The following CTNNAL1 variants were observed in gnomAD, a reference collection of about 807,000 sequenced individuals.
CTNNAL1 encodes the protein catenin alpha like 1.
A neutral mutation model predicts 93.6 loss-of-function variants in CTNNAL1; 69 were observed. The observed-to-expected ratio is 0.74, with a 90% CI of 0.61 to 0.90. The LOEUF is 0.90. Among genes scored for constraint, CTNNAL1 ranks in the 40% least tolerant of loss-of-function variants. CTNNAL1 has a pLI of 0.00. For missense variants in CTNNAL1, 836 were observed against 862.0 expected (o/e 0.97, Z 0.38); for synonymous variants, 286 against 305.4 (o/e 0.94, Z 0.66).
intron 10 of CTNNAL1, among the ~76,000 whole-genome samples, chr9:108,967,589 AT>A (rs1410470459): frequency 1.3e-5 from 2 of 152,210 alleles, no homozygotes; most frequent in Non-Finnish European, 2.9e-5. Flanking sequence ...GAATAAAAAT[AT>A]GTATCAAAAT....
intron 1 of CTNNAL1, among the ~76,000 whole-genome samples, chr9:109,008,546 T>G (rs192152054): frequency 2.0e-5 from 3 of 152,226 alleles, no homozygotes; most frequent in Admixed American, 1.3e-4. Flanking sequence ...TCAATTATAA[T>G]AGATTACAAC....
At chr9:108,967,497 T>C (rs983206183) in intron 10 of CTNNAL1, among the ~76,000 whole-genome samples, 1 of 152,152 alleles carries the variant, frequency 6.6e-6, no homozygotes, top group African/African-American at 2.4e-5. Flanking sequence ...AACAGATAAA[T>C]GTCCCTGGCT....
chr9:108,972,868 GT>G, intron 8 of CTNNAL1, 35 bp from the exon 9 acceptor site: 4 of 1,092,790 alleles, frequency 3.7e-6, no homozygotes, highest in Non-Finnish European at 4.9e-6. Context: ...GGGTGGGAGG[GT>G]GGAGAAGGAG....
At chr9:108,983,414 T>C (rs1831499218) in intron 5 of CTNNAL1, 99 bp from the exon 6 acceptor site, 2 of 1,261,746 alleles carry the variant, frequency 1.6e-6, no homozygotes, top group Non-Finnish European at 1.0e-6. Context: ...AATGGTTCTT[T>C]ACCAAAATCT....
chr9:108,989,844 G>A (rs879351983), intron 4 of CTNNAL1, among the ~76,000 whole-genome samples: 18 of 152,170 alleles, frequency 1.2e-4, no homozygotes, highest in Non-Finnish European at 2.5e-4. Flanking sequence ...GAGATTAGGA[G>A]TTCGAGACCA....
At chr9:108,953,843 C>CAG (rs111992866) in intron 12 of CTNNAL1, among the ~76,000 whole-genome samples, 4,159 of 151,782 alleles carry the variant, frequency 0.027, 197 homozygotes, top group African/African-American at 0.095. Context: ...GAGACAAAGA[C>CAG]AGAGAGAGAG....
chr9:108,981,489 A>C (rs838839), intron 6 of CTNNAL1, among the ~76,000 whole-genome samples: 87,134 of 150,800 alleles, frequency 0.58, 25,458 homozygotes, highest in Middle Eastern at 0.7. Context: ...AAAAACAAAA[A>C]AAAAAAAAAC....
chr9:108,990,923 G>A (rs2132173653), intron 3 of CTNNAL1, 78 bp from the exon 4 acceptor site: 19 of 1,488,680 alleles, frequency 1.3e-5, no homozygotes, highest in Non-Finnish European at 1.7e-5. Context: ...GTAGAGAGAA[G>A]AAAAGGAAAA....
intron 1 of CTNNAL1, among the ~76,000 whole-genome samples, chr9:109,005,694 AT>A (rs373734999): frequency 6.6e-6 from 1 of 152,190 alleles, no homozygotes. Flanking sequence ...CACCCAGTCT[AT>A]TTTTTATAGC....
intron 4 of CTNNAL1, among the ~76,000 whole-genome samples, 184 bp downstream of exon 4, chr9:108,990,542 T>C (rs1415647950): frequency 6.6e-6 from 1 of 152,106 alleles, no homozygotes; most frequent in African/African-American, 2.4e-5. Flanking sequence ...CTGTTATAAA[T>C]GTACAAAAAA....
At chr9:109,009,600 T>C (rs1305027882) in intron 1 of CTNNAL1, among the ~76,000 whole-genome samples, 2 of 152,234 alleles carry the variant, frequency 1.3e-5, no homozygotes, top group African/African-American at 4.8e-5. Context: ...TTAATTACTA[T>C]AGTTTTATAA....
chr9:108,972,864 G>GGGAGA, intron 8 of CTNNAL1, 31 bp from the exon 9 acceptor site: 1 of 142,590 alleles, frequency 7.0e-6, no homozygotes, highest in Non-Finnish European at 1.0e-5. Flanking sequence ...GGGGGGGTGG[G>GGGAGA]AGGGTGGAGA....
chr9:109,000,545 G>C (rs1826767124), intron 1 of CTNNAL1, among the ~76,000 whole-genome samples: 1 of 152,132 alleles, frequency 6.6e-6, no homozygotes, highest in East Asian at 1.9e-4. Flanking sequence ...CAAAATGTTA[G>C]GATAGTGTGA....
At chr9:109,011,940 C>T (rs1472600011) in intron 1 of CTNNAL1, among the ~76,000 whole-genome samples, 1 of 152,176 alleles carries the variant, frequency 6.6e-6, no homozygotes, top group African/African-American at 2.4e-5. Context: ...ATCTCTCTGC[C>T]TCTTAAAACT....
chr9:108,951,416 G>A (rs1266721857), intron 14 of CTNNAL1, among the ~76,000 whole-genome samples: 1 of 152,152 alleles, frequency 6.6e-6, no homozygotes, highest in Admixed American at 6.5e-5. Flanking sequence ...ACCTGCAGGT[G>A]TGTCCCACGG....
intron 7 of CTNNAL1, among the ~76,000 whole-genome samples, chr9:108,977,964 C>T (rs1167139705): frequency 2.0e-5 from 3 of 152,084 alleles, no homozygotes; most frequent in Non-Finnish European, 4.4e-5. Context: ...ATATAAAAGG[C>T]ACCAGTAACA....
Position 108,984,436 on chromosome 9 carries a change from C to T in CTNNAL1, c.640G>A (p.Asp214Asn). 1 of 1,580,974 alleles carries T rather than the reference C, an allele frequency of 6.3e-7. No individual in the cohort carries two copies. The highest frequency in any genetic ancestry group is 8.7e-7 in the Non-Finnish European group (1 of 1,150,778). ...GCCTTTTTCTTTTCATCTTTCAAAT[C>T]CTAAATATGAAATAAAATCACGGAG... ...FAHLSGDRQN[D>N]LKDEKKKAKM... Residue 214 changes from aspartate to asparagine, a missense_variant and splice_region_variant, in exon 5 of 19, where the codon GAT becomes AAT. Coordinates refer to ENST00000325551, the MANE Select transcript of CTNNAL1 (RefSeq NM_003798.4).
intron 1 of CTNNAL1, among the ~76,000 whole-genome samples, chr9:109,009,061 A>T: frequency 6.6e-6 from 1 of 150,392 alleles, no homozygotes. Flanking sequence ...CACCCGACTA[A>T]TTTTTTGTAT....
intron 10 of CTNNAL1, 78 bp downstream of exon 10, chr9:108,970,324 T>C: frequency 7.7e-7 from 1 of 1,306,966 alleles, no homozygotes. Flanking sequence ...AAAAACCATT[T>C]ATACCTTCCA....
Sources: allele counts gnomAD v4.1 joint callset (sites outside exome capture counted in the v4.1 genomes callset), GRCh38; gene constraint gnomAD v4.1.1; transcripts MANE v1.5; gene names NCBI Gene and HGNC (gene_info 2026-07-23, HGNC 2026-07-21).